Variants in SLC17A5 observed in about 807,000 individuals in gnomAD.
The protein encoded by SLC17A5 is solute carrier family 17 member 5.
SLC17A5 carries 47 observed loss-of-function variants against 59.4 expected under a neutral mutation model. The ratio of observed to expected loss-of-function variants is 0.79; its 90% CI spans 0.63 to 1.01. The LOEUF is 1.01. Among genes scored for constraint, SLC17A5 ranks in the 50% least tolerant of loss-of-function variants. SLC17A5 has a pLI of 0.00. For missense variants in SLC17A5, 522 were observed against 595.5 expected (o/e 0.88, Z 1.28); for synonymous variants, 202 against 210.7 (o/e 0.96, Z 0.36).
At chr6:73,600,602 G>T (rs190502585) in intron 9 of SLC17A5, among the ~76,000 whole-genome samples, 161 bp from the exon 10 acceptor site, 91 of 150,922 alleles carry the variant, frequency 6.0e-4, no homozygotes, top group African/African-American at 2.2e-3. Flanking sequence ...TCTGCCTCCC[G>T]GGTTCAAGCA....
intron 1 of SLC17A5, among the ~76,000 whole-genome samples, chr6:73,646,675 CTT>C (rs1401870054): frequency 6.7e-6 from 1 of 149,590 alleles, no homozygotes; most frequent in Non-Finnish European, 1.5e-5. Flanking sequence ...TTTCTTTTTT[CTT>C]TCTTTTTTTT....
At chr6:73,645,565 T>C (rs1404029663) in intron 1 of SLC17A5, 5 of 780,974 alleles carry the variant, frequency 6.4e-6, no homozygotes, top group South Asian at 5.8e-5. Context: ...GGCGGGCGGA[T>C]CACCTGAGGT....
At chr6:73,604,338 C>G (rs1167065251) in intron 9 of SLC17A5, among the ~76,000 whole-genome samples, 1 of 152,204 alleles carries the variant, frequency 6.6e-6, no homozygotes, top group African/African-American at 2.4e-5. Flanking sequence ...TGGAAGAAAA[C>G]AAGTTGTATG....
rs1032939565 is a variant in SLC17A5 at position 73,593,912 on chromosome 6, C to T, written c.*1165G>A. On this transcript the variant is annotated 3_prime_UTR_variant, in exon 11 of 11. Transcript: ENST00000355773. ...AGACCCCATCTCTACAAAATACAAA[C>T]GAACAAAACACAGCACATAGAAATT... 3.3e-5 allele frequency: 5 copies of T among 151,994 alleles called. No individual in the cohort carries two copies. Among genetic ancestry groups the T allele is most frequent in the Admixed American group, 6.6e-5 (1 of 15,248 alleles). 9.4% of individuals were successfully genotyped at this position (151,994 alleles called of 1,614,324 possible). A position where few individuals can be genotyped will look rare whatever the true frequency, so the allele number is the denominator to read the frequency against.
chr6:73,648,021 A>T (rs1769667030), intron 1 of SLC17A5, among the ~76,000 whole-genome samples: 1 of 152,202 alleles, frequency 6.6e-6, no homozygotes. Flanking sequence ...GTGAGCCGAG[A>T]TCACGCCATC....
At chr6:73,641,361 G>T (rs1000534802) in intron 3 of SLC17A5, among the ~76,000 whole-genome samples, 6 of 152,150 alleles carry the variant, frequency 3.9e-5, no homozygotes, top group African/African-American at 1.2e-4. Flanking sequence ...TTACAGGCAT[G>T]AGCCACCACG....
intron 1 of SLC17A5, chr6:73,653,219 G>A: frequency 1.0e-6 from 1 of 985,398 alleles, no homozygotes; most frequent in Non-Finnish European, 1.2e-6. Context: ...ACTCACAAAT[G>A]TTAACTCCAG....
chr6:73,653,706 T>C, intron 1 of SLC17A5, 87 bp downstream of exon 1: 2 of 1,330,618 alleles, frequency 1.5e-6, no homozygotes, highest in Non-Finnish European at 2.1e-6. Flanking sequence ...CGGCGCAGGG[T>C]GCGGGTACCC....
chr6:73,632,903 T>C (rs757474369), intron 6 of SLC17A5, among the ~76,000 whole-genome samples: 1 of 149,426 alleles, frequency 6.7e-6, no homozygotes, highest in Non-Finnish European at 1.5e-5. Flanking sequence ...GTTTATAATG[T>C]GTTAAATTTT....
intron 5 of SLC17A5, among the ~76,000 whole-genome samples, chr6:73,635,906 A>G (rs1213463300): frequency 1.3e-5 from 2 of 151,864 alleles, no homozygotes; most frequent in Non-Finnish European, 2.9e-5. Context: ...ACGCCTGGCT[A>G]ATTTTTGTAT....
At chr6:73,627,690 ACG>A (rs1768495885) in intron 6 of SLC17A5, among the ~76,000 whole-genome samples, 1 of 149,206 alleles carries the variant, frequency 6.7e-6, no homozygotes, top group African/African-American at 2.5e-5. Context: ...GTGCAGTGGC[ACG>A]ATCTCAACTC....
At chr6:73,632,931 G>A (rs1461913508) in intron 6 of SLC17A5, among the ~76,000 whole-genome samples, 1 of 151,894 alleles carries the variant, frequency 6.6e-6, no homozygotes, top group African/African-American at 2.4e-5. Context: ...TGTTCCTTAA[G>A]GGGAAAAAAG....
Position 73,621,418 on chromosome 6 carries a change from C to A in SLC17A5, c.978+386G>T, listed in dbSNP as rs570702523. Among the ~76,000 whole-genome samples the A allele has an allele frequency of 9.2e-5, 14 of 152,330 alleles. No individual in the cohort carries two copies. The East Asian group carries it at 2.5e-3, about 27-fold the overall frequency. On this transcript the variant is annotated intron_variant, in intron 7 of 10. Coordinates refer to ENST00000355773, the MANE Select transcript of SLC17A5 (RefSeq NM_012434.5). ...CCTCCCAAAGTGGTAGGATTGCAGG[C>A]GTGAGCCACTACACCCGGCCTGATG...
intron 3 of SLC17A5, among the ~76,000 whole-genome samples, chr6:73,639,377 G>A (rs986480809): frequency 6.6e-5 from 10 of 152,118 alleles, no homozygotes; most frequent in Admixed American, 3.3e-4. Context: ...AAGAATAAAT[G>A]TTTTAATACT....
At chr6:73,629,432 C>A (rs1768591475) in intron 6 of SLC17A5, among the ~76,000 whole-genome samples, 1 of 151,714 alleles carries the variant, frequency 6.6e-6, no homozygotes, top group African/African-American at 2.4e-5. Flanking sequence ...AAAAACAAAC[C>A]CAGAACCAAC....
At chr6:73,645,245 C>T in intron 1 of SLC17A5, 7 of 841,310 alleles carry the variant, frequency 8.3e-6, no homozygotes, top group Non-Finnish European at 1.0e-5. Context: ...AAAAAATTTA[C>T]TGCCAAGGGT....
intron 9 of SLC17A5, among the ~76,000 whole-genome samples, chr6:73,607,144 A>C (rs1006383317): frequency 6.6e-6 from 1 of 152,214 alleles, no homozygotes; most frequent in Admixed American, 6.6e-5. Flanking sequence ...ATTATATGCA[A>C]ATACCTTTAT....
At chr6:73,605,100 C>T (rs1767333835) in intron 9 of SLC17A5, among the ~76,000 whole-genome samples, 1 of 152,130 alleles carries the variant, frequency 6.6e-6, no homozygotes, top group Non-Finnish European at 1.5e-5. Context: ...CCACCTTGGC[C>T]TTCCGAAGTC....
intron 7 of SLC17A5, among the ~76,000 whole-genome samples, chr6:73,620,388 A>G (rs1483550655): frequency 2.0e-5 from 3 of 152,214 alleles, no homozygotes; most frequent in African/African-American, 2.4e-5. Flanking sequence ...GAAATGTAGT[A>G]GTAGATTATA....
Sources: gnomAD v4.1 joint callset for allele counts (sites outside exome capture counted in the v4.1 genomes callset) on GRCh38, gnomAD v4.1.1 for gene constraint, MANE v1.5 for transcripts, NCBI Gene and HGNC (gene_info 2026-07-23, HGNC 2026-07-21) for gene names.